Variants in MYOF observed in about 807,000 individuals in gnomAD.
MYOF encodes the protein fer-1-like 3, myoferlin.
In MYOF, 244 loss-of-function variants were observed where a neutral mutation model predicts 284.2. That is an observed-to-expected ratio of 0.86 (90% CI 0.77 to 0.95). The LOEUF (loss-of-function observed/expected upper bound fraction) is 0.95. MYOF is among the 40% of genes least tolerant of loss of function. MYOF has a pLI of 0.00. For synonymous variants in MYOF, 904 were observed against 919.7 expected, an observed-to-expected ratio of 0.98 and a Z score of 0.31; for missense variants, 2,496 against 2,560.6, an observed-to-expected ratio of 0.97 and a Z score of 0.54.
chr10:93,378,330 C>T (rs1845937164), intron 21 of MYOF, among the ~76,000 whole-genome samples: 1 of 152,144 alleles, frequency 6.6e-6, no homozygotes, highest in Non-Finnish European at 1.5e-5. Context: ...TGAAGAGCAT[C>T]TCAAACACAA....
chr10:93,372,884 G>C (rs766896509), intron 24 of MYOF, 46 bp downstream of exon 24: 1 of 1,608,164 alleles, frequency 6.2e-7, no homozygotes, highest in Non-Finnish European at 8.5e-7. Flanking sequence ...CAGGAATACA[G>C]CTTTTGCATT....
At chr10:93,317,321 T>C (rs1331592880) in intron 49 of MYOF, among the ~76,000 whole-genome samples, 1 of 145,800 alleles carries the variant, frequency 6.9e-6, no homozygotes, top group Non-Finnish European at 1.5e-5. Flanking sequence ...AGATTTAGAA[T>C]GTCTGGGATT....
At position 93,347,795 on chromosome 10, in the gene MYOF, A is replaced by ACT; in HGVS notation, c.4084-14_4084-13insAG. 6.2e-7 allele frequency: 1 copy of ACT among 1,605,916 alleles called. No homozygotes were observed. The highest frequency in any genetic ancestry group is 1.7e-5 in the Admixed American group (1 of 59,468). On this transcript the variant is annotated splice_polypyrimidine_tract_variant and intron_variant, in intron 36 of 53. Transcript: ENST00000359263. ...CCTTGGGCAAGAACTGGGGGTCACAAAGGTAGGTTTCATTTCTCAAGACCA... is the reference window on the plus strand; with the variant it reads ...CCTTGGGCAAGAACTGGGGGTCACAACTAGGTAGGTTTCATTTCTCAAGACCA...
chr10:93,461,413 G>T (rs746364630), intron 1 of MYOF, among the ~76,000 whole-genome samples: 10 of 152,204 alleles, frequency 6.6e-5, no homozygotes, highest in Non-Finnish European at 1.5e-4. Context: ...AGGAAATGTG[G>T]CTATACGGGA....
intron 48 of MYOF, among the ~76,000 whole-genome samples, chr10:93,321,963 T>C (rs1001495599): frequency 6.6e-6 from 1 of 151,166 alleles, no homozygotes; most frequent in African/African-American, 2.4e-5. Context: ...AGGAGTTTTC[T>C]CTCCGTTCAG....
chr10:93,362,506 A>G (rs995983031), intron 27 of MYOF, among the ~76,000 whole-genome samples: 5 of 152,132 alleles, frequency 3.3e-5, no homozygotes, highest in Admixed American at 2.0e-4. Context: ...CAGCCTCCCG[A>G]AGTGCTGGGA....
chr10:93,416,934 G>A (rs910241457), intron 5 of MYOF, among the ~76,000 whole-genome samples: 3 of 152,144 alleles, frequency 2.0e-5, no homozygotes, highest in Non-Finnish European at 4.4e-5. Context: ...TAGAACTTCG[G>A]AGCTGGAAGA....
At chr10:93,479,013 G>A (rs73323426) in intron 1 of MYOF, among the ~76,000 whole-genome samples, 130 of 151,920 alleles carry the variant, frequency 8.6e-4, no homozygotes, top group African/African-American at 2.6e-3. Context: ...ATTCTTCACC[G>A]TCTTATAGTT....
chr10:93,309,976 A>C, intron 53 of MYOF, 44 bp downstream of exon 53: 2 of 1,611,996 alleles, frequency 1.2e-6, no homozygotes, highest in Non-Finnish European at 1.7e-6. Context: ...ACCAACTGCA[A>C]CTCACAAGAA....
At chr10:93,402,741 A>G (rs977303819) in intron 10 of MYOF, 119 bp downstream of exon 10, 4 of 902,240 alleles carry the variant, frequency 4.4e-6, no homozygotes, top group Non-Finnish European at 6.6e-6. Flanking sequence ...TATTTTTTAA[A>G]AAATTCCTTT....
At chr10:93,419,668 G>T (rs1253560313) in intron 5 of MYOF, among the ~76,000 whole-genome samples, 1 of 152,124 alleles carries the variant, frequency 6.6e-6, no homozygotes, top group East Asian at 1.9e-4. Flanking sequence ...ATAACAATTT[G>T]GTCAATCTCT....
intron 1 of MYOF, among the ~76,000 whole-genome samples, chr10:93,474,034 T>G (rs1406706641): frequency 6.6e-6 from 1 of 152,190 alleles, no homozygotes; most frequent in African/African-American, 2.4e-5. Flanking sequence ...AGCAAGGCAG[T>G]CTGATGTTCC....
chr10:93,460,440 A>G (rs533546084), intron 1 of MYOF, among the ~76,000 whole-genome samples: 12 of 152,354 alleles, frequency 7.9e-5, no homozygotes, highest in African/African-American at 2.9e-4. Context: ...AGGAAACAGA[A>G]GAGTGTAAGA....
At chr10:93,359,018 A>G (rs966177767) in intron 29 of MYOF, among the ~76,000 whole-genome samples, 4 of 152,100 alleles carry the variant, frequency 2.6e-5, no homozygotes, top group African/African-American at 4.8e-5. Context: ...CATATTTCTG[A>G]GTTAGCAAGG....
In MYOF at chr10:93,402,800, T is replaced by A. The variant is rs542257538; in HGVS notation, c.874+60A>T. ...CAAATTGTCTTGATTCTTAGAATCATCTTCAGAGTTAGAAGGAATGAATTT... is the reference window on the plus strand; with the variant it reads ...CAAATTGTCTTGATTCTTAGAATCAACTTCAGAGTTAGAAGGAATGAATTT... On this transcript the variant is annotated intron_variant, in intron 10 of 53. Transcript: ENST00000359263. 6.2e-6 allele frequency: 9 copies of A among 1,452,594 alleles called. No homozygotes were observed. In the Admixed American group the frequency reaches 8.8e-5, roughly 14 times the overall value. The allele number at this position is 1,452,594 out of a possible 1,614,324, so 90.0% of individuals were successfully genotyped here.
intron 24 of MYOF, among the ~76,000 whole-genome samples, chr10:93,372,368 T>C (rs1328221071): frequency 6.6e-6 from 1 of 152,176 alleles, no homozygotes; most frequent in Admixed American, 6.5e-5. Flanking sequence ...ATGCAAAATA[T>C]TAGCTGAACA....
chr10:93,310,245 A>G, intron 52 of MYOF, 78 bp from the exon 53 acceptor site: 14 of 1,516,368 alleles, frequency 9.2e-6, no homozygotes, highest in Non-Finnish European at 1.2e-5. Context: ...ACACAGTTTC[A>G]GGAATAAAGA....
At chr10:93,419,426 G>A (rs994869028) in intron 5 of MYOF, among the ~76,000 whole-genome samples, 1 of 151,746 alleles carries the variant, frequency 6.6e-6, no homozygotes, top group Non-Finnish European at 1.5e-5. Context: ...GCCTCCTGAA[G>A]TGCTGGGATT....
intron 28 of MYOF, 76 bp downstream of exon 28, chr10:93,361,376 T>A: frequency 1.5e-6 from 2 of 1,297,828 alleles, no homozygotes; most frequent in Non-Finnish European, 2.2e-6. Flanking sequence ...GGCCCCTCCC[T>A]CCCAAGGAAA....
Sources: gnomAD v4.1 joint callset for allele counts (sites outside exome capture counted in the v4.1 genomes callset) on GRCh38, gnomAD v4.1.1 for gene constraint, MANE v1.5 for transcripts, NCBI Gene and HGNC (gene_info 2026-07-23, HGNC 2026-07-21) for gene names.